SEPTIN9: variants seen among roughly 807,000 people sequenced by gnomAD.
SEPTIN9 encodes the protein septin 9, also known as septin-9.
SEPTIN9 carries 13 observed loss-of-function variants against 56.6 expected under a neutral mutation model. The ratio of observed to expected loss-of-function variants is 0.23; its 90% CI spans 0.15 to 0.37. The LOEUF (loss-of-function observed/expected upper bound fraction) is 0.37, where lower values mean the gene tolerates loss of function less well. Among genes scored for constraint, SEPTIN9 ranks in the 10% least tolerant of loss-of-function variants. The pLI is 1.00. For synonymous variants in SEPTIN9, 332 were observed against 334.1 expected (o/e 0.99, Z 0.07); for missense variants, 650 against 823.1 (o/e 0.79, Z 2.57).
At chr17:77,355,624 G>A (rs1347485587) in intron 2 of SEPTIN9, among the ~76,000 whole-genome samples, 6 of 152,142 alleles carry the variant, frequency 3.9e-5, no homozygotes, top group Non-Finnish European at 8.8e-5. Flanking sequence ...CACCGTGGCT[G>A]CCGCATCTGA....
intron 2 of SEPTIN9, among the ~76,000 whole-genome samples, chr17:77,348,996 C>T (rs560701250): frequency 1.3e-5 from 2 of 152,348 alleles, no homozygotes; most frequent in Admixed American, 1.3e-4. Context: ...TCTTGGAGAA[C>T]TTGCTTCACG....
At chr17:77,471,358 G>A (rs530653455) in intron 3 of SEPTIN9, among the ~76,000 whole-genome samples, 13 of 152,386 alleles carry the variant, frequency 8.5e-5, no homozygotes, top group African/African-American at 3.1e-4. Context: ...AGCATCCCCA[G>A]GGCCCGAGCT....
At chr17:77,394,488 G>A (rs1208086184) in intron 2 of SEPTIN9, among the ~76,000 whole-genome samples, 1 of 152,306 alleles carries the variant, frequency 6.6e-6, no homozygotes, top group East Asian at 1.9e-4. Context: ...CTGCTCAGAG[G>A]AGACCCAGTT....
At position 77,445,033 on chromosome 17, in the gene SEPTIN9, C is replaced by A. The variant is rs1249970366; in HGVS notation, c.722-37111C>A. On this transcript the variant is annotated intron_variant, in intron 3 of 11. Transcript: ENST00000427177. This position sits in a 1 kb window ranked among gnomAD's most constrained non-coding sequence, Gnocchi z 4.7. Reference sequence around the variant, plus strand: ...TGTCACCCAAATGTGCTGAAACAGCCCAGCAGCTGCGCTGCCTCACAGAAA... The same window carrying A: ...TGTCACCCAAATGTGCTGAAACAGCACAGCAGCTGCGCTGCCTCACAGAAA... The A allele has an allele frequency of 2.1e-5, 8 of 378,344 alleles. No individual in the cohort carries two copies. The highest frequency in any genetic ancestry group is 4.4e-5 in the Non-Finnish European group (8 of 181,882). 23.4% of individuals were successfully genotyped at this position (378,344 alleles called of 1,614,324 possible).
At chr17:77,304,782 G>A (rs1054081192) in intron 1 of SEPTIN9, among the ~76,000 whole-genome samples, 2 of 152,216 alleles carry the variant, frequency 1.3e-5, no homozygotes, top group African/African-American at 4.8e-5. Flanking sequence ...CACTGATGGT[G>A]TGTGCGTGGG....
chr17:77,327,860 G>A lies in SEPTIN9; in HGVS notation c.76+20663G>A, dbSNP rs1173739115. Among the ~76,000 whole-genome samples, 4 of 152,224 alleles carry A rather than the reference G, an allele frequency of 2.6e-5. No homozygotes were observed. Among genetic ancestry groups the A allele is most frequent in the African/African-American group, 4.8e-5 (2 of 41,436 alleles). ...AAAGCTTGAAAATGCTCTTTGGACCGATTTGCTGGAACAGACGGGTGTGAT... is the reference window on the plus strand; with the variant it reads ...AAAGCTTGAAAATGCTCTTTGGACCAATTTGCTGGAACAGACGGGTGTGAT... On this transcript the variant is annotated intron_variant, in intron 2 of 11. Transcript: ENST00000427177. This position sits in a 1 kb window ranked among gnomAD's most constrained non-coding sequence, Gnocchi z 5.0.
rs1421269830 is a variant in SEPTIN9, at chr17:77,499,156, A to C, written c.*498A>C. 1 of 535,610 alleles carries C rather than the reference A, an allele frequency of 1.9e-6. No individual in the cohort carries two copies. Among genetic ancestry groups the C allele is most frequent in the Non-Finnish European group, 3.6e-6 (1 of 276,394 alleles). 33.2% of individuals were successfully genotyped at this position (535,610 alleles called of 1,614,324 possible). On this transcript the variant is annotated 3_prime_UTR_variant, in exon 12 of 12. Coordinates refer to ENST00000427177, the MANE Select transcript of SEPTIN9 (RefSeq NM_001113491.2). ...GGAGCACCTGGACCCCCTGCCCGCCACATGGTGTGGCCATCACTCAGCCCC... is the reference window on the plus strand; with the variant it reads ...GGAGCACCTGGACCCCCTGCCCGCCCCATGGTGTGGCCATCACTCAGCCCC...
At position 77,313,965 on chromosome 17, in the gene SEPTIN9, C is replaced by T. The variant is rs2032603193; in HGVS notation, c.76+6768C>T. ...CCTGTAATCCCAGTACTTTTGGAGC[C>T]GAGGTGGGAGGATCACTTGAGCTCA... On this transcript the variant is annotated intron_variant, in intron 2 of 11. Coordinates refer to ENST00000427177, the MANE Select transcript of SEPTIN9 (RefSeq NM_001113491.2). The surrounding 1 kb of genome is among the most constrained non-coding windows in gnomAD (Gnocchi z 4.5). Among the ~76,000 whole-genome samples, 1 of 151,940 alleles carries T rather than the reference C, an allele frequency of 6.6e-6. No homozygotes were observed. Among genetic ancestry groups the T allele is most frequent in the African/African-American group, 2.4e-5 (1 of 41,386 alleles).
chr17:77,300,641 A>C (rs1189081846), intron 1 of SEPTIN9, among the ~76,000 whole-genome samples: 1 of 152,096 alleles, frequency 6.6e-6, no homozygotes, highest in East Asian at 1.9e-4. Flanking sequence ...TCCTGTGAGC[A>C]AACTGAGCCT....
chr17:77,287,863 G>T, intron 1 of SEPTIN9: 1 of 1,026,738 alleles, frequency 9.7e-7, no homozygotes, highest in Non-Finnish European at 1.2e-6. Context: ...GTGGCGCAGG[G>T]AATGTAAGAT....
intron 3 of SEPTIN9, among the ~76,000 whole-genome samples, chr17:77,428,232 TG>T (rs1276262748): frequency 6.6e-6 from 1 of 152,224 alleles, no homozygotes; most frequent in Non-Finnish European, 1.5e-5. Context: ...GTATGAACAC[TG>T]GCCCTGCCTT....
chr17:77,378,390 G>C (rs1196752177), intron 2 of SEPTIN9, among the ~76,000 whole-genome samples: 1 of 152,196 alleles, frequency 6.6e-6, no homozygotes, highest in African/African-American at 2.4e-5. Flanking sequence ...TGCAAAGTGG[G>C]GTTAGAAACA....
At position 77,475,949 on chromosome 17, in the gene SEPTIN9, T is replaced by C. The variant is rs200310117; in HGVS notation, c.722-6195T>C. The C allele has an allele frequency of 3.3e-4, 512 of 1,575,264 alleles. No homozygotes were observed. The highest frequency in any genetic ancestry group is 1.4e-3 in the Middle Eastern group (8 of 5,920). On this transcript the variant is annotated intron_variant, in intron 3 of 11. Coordinates refer to ENST00000427177, the MANE Select transcript of SEPTIN9 (RefSeq NM_001113491.2). This position sits in a 1 kb window ranked among gnomAD's most constrained non-coding sequence, Gnocchi z 4.6. ...TTCGGTCCGTGCTCTGAGAGCCAGG[T>C]GTGGGTTGGGTTTGGGGAAGACAGG... is the stretch of plus-strand genomic sequence containing the variant.
At chr17:77,372,952 C>T (rs569393043) in intron 2 of SEPTIN9, among the ~76,000 whole-genome samples, 1 of 152,332 alleles carries the variant, frequency 6.6e-6, no homozygotes, top group East Asian at 1.9e-4. Flanking sequence ...AATACAGCCT[C>T]CTGCAGAAGG....
chr17:77,345,423 G>A (rs769398100), intron 2 of SEPTIN9, among the ~76,000 whole-genome samples: 9 of 152,206 alleles, frequency 5.9e-5, no homozygotes, highest in Admixed American at 2.0e-4. Context: ...ACCTTGCCAC[G>A]TCTTACGTTC....
At position 77,329,172 on chromosome 17, in the gene SEPTIN9, G is replaced by GA. The variant is rs1206422714; in HGVS notation, c.76+21975_76+21976insA. Among the ~76,000 whole-genome samples the GA allele has an allele frequency of 1.3e-5, 2 of 152,234 alleles. No homozygotes were observed. The highest frequency in any genetic ancestry group is 2.4e-5 in the African/African-American group (1 of 41,470). ...CACTATGGTGGGACCTCAGTGCCCTGTGGCTGCTGAGAATGGCCAGGGGCA... is the reference window on the plus strand; with the variant it reads ...CACTATGGTGGGACCTCAGTGCCCTGATGGCTGCTGAGAATGGCCAGGGGCA... On this transcript the variant is annotated intron_variant, in intron 2 of 11. Transcript: ENST00000427177. The surrounding 1 kb of genome is among the most constrained non-coding windows in gnomAD (Gnocchi z 4.3).
In SEPTIN9 at chr17:77,453,639, G is replaced by C. The variant is rs1234805697; in HGVS notation, c.722-28505G>C. On this transcript the variant is annotated intron_variant, in intron 3 of 11. Coordinates refer to ENST00000427177, the MANE Select transcript of SEPTIN9 (RefSeq NM_001113491.2). The surrounding 1 kb of genome is among the most constrained non-coding windows in gnomAD (Gnocchi z 4.4). ...AAAAAAAAAGCCTTATCTGGGCCTG[G>C]GATCTGTCCTCCGAACACTGGGTCC... Among the ~76,000 whole-genome samples, 1 of 151,206 alleles carries C rather than the reference G, an allele frequency of 6.6e-6. No individual in the cohort carries two copies. Among genetic ancestry groups the C allele is most frequent in the Non-Finnish European group, 1.5e-5 (1 of 67,894 alleles).
chr17:77,458,491 T>TA (rs2038316951), intron 3 of SEPTIN9, among the ~76,000 whole-genome samples: 1 of 152,162 alleles, frequency 6.6e-6, no homozygotes, highest in African/African-American at 2.4e-5. Context: ...ATTTGCCTGT[T>TA]ACGAACCACG....
intron 3 of SEPTIN9, among the ~76,000 whole-genome samples, chr17:77,406,160 G>C (rs7218097): frequency 0.075 from 11,398 of 152,150 alleles, 1,330 homozygotes; most frequent in African/African-American, 0.25. Flanking sequence ...CTCTTCCCGT[G>C]CTGAGCCTTC....
Sources: allele counts gnomAD v4.1 joint callset (sites outside exome capture counted in the v4.1 genomes callset), GRCh38; gene constraint gnomAD v4.1.1; non-coding constraint Gnocchi (gnomAD v3.1); transcripts MANE v1.5; gene names NCBI Gene and HGNC (gene_info 2026-07-23, HGNC 2026-07-21).